GRM8: variants seen among roughly 807,000 people sequenced by gnomAD.
The protein encoded by GRM8 is metabotropic glutamate receptor 8.
A neutral mutation model predicts 87.2 loss-of-function variants in GRM8; 47 were observed. That is an observed-to-expected ratio of 0.54 (90% confidence interval 0.43 to 0.69). The LOEUF (loss-of-function observed/expected upper bound fraction) is 0.69. GRM8 is among the 30% of genes least tolerant of loss of function. The pLI is 0.00. For synonymous variants in GRM8, 396 were observed against 404.5 expected, an observed-to-expected ratio of 0.98 and a Z score of 0.25; for missense variants, 1,019 against 1,139.2, an observed-to-expected ratio of 0.89 and a Z score of 1.52.
In GRM8 at chr7:127,170,304, C is replaced by A. The variant is rs543680779; in HGVS notation, c.511-63592G>T. ...ACCATAATGTGACACCAACTTACTC[C>A]TGCAAGAATCGCCATACTCAAAAAA... On this transcript the variant is annotated intron_variant, in intron 2 of 10. Coordinates refer to ENST00000339582, the MANE Select transcript of GRM8 (RefSeq NM_000845.3). Among the ~76,000 whole-genome samples the A allele has an allele frequency of 2.6e-5, 4 of 152,298 alleles. No individual in the cohort carries two copies. The South Asian group carries it at 8.3e-4, about 32-fold the overall frequency.
At chr7:126,788,420 A>AAAAAAAAAAAAAACAAAAAAAAAAAAAC in intron 6 of GRM8, among the ~76,000 whole-genome samples, 9 of 81,138 alleles carry the variant, frequency 1.1e-4, no homozygotes, top group South Asian at 4.9e-4. Context: ...AAAAAAAAAA[A>AAAAAAAAAAAAAACAAAAAAAAAAAAAC]AAACCCTTTC....
chr7:126,548,503 T>A (rs1000741181), intron 8 of GRM8, among the ~76,000 whole-genome samples: 29 of 152,056 alleles, frequency 1.9e-4, no homozygotes, highest in African/African-American at 5.1e-4. Context: ...ACAAAAAAAA[T>A]TTCCAAGAAA....
At chr7:126,902,495 A>G (rs373963486) in intron 6 of GRM8, 47 bp downstream of exon 6, 17 of 1,436,980 alleles carry the variant, frequency 1.2e-5, no homozygotes, top group Non-Finnish European at 1.5e-5. Context: ...TAATGAAAAC[A>G]AATGAAAATG....
intron 9 of GRM8, among the ~76,000 whole-genome samples, chr7:126,463,162 T>C (rs1804078175): frequency 6.6e-6 from 1 of 151,580 alleles, no homozygotes; most frequent in Non-Finnish European, 1.5e-5. Flanking sequence ...TTATTTATGA[T>C]GAAGAGACAT....
At chr7:126,780,000 T>C (rs1183101594) in intron 6 of GRM8, among the ~76,000 whole-genome samples, 1 of 152,238 alleles carries the variant, frequency 6.6e-6, no homozygotes, top group Non-Finnish European at 1.5e-5. Context: ...TCTGGCACCT[T>C]ATGTAGTAAA....
At position 127,242,787 on chromosome 7, in the gene GRM8, T is replaced by C. The variant is rs762826038; in HGVS notation, c.418A>G (p.Ile140Val). 3 of 1,614,114 alleles carry C rather than the reference T, an allele frequency of 1.9e-6. No individual in the cohort carries two copies. The highest frequency in any genetic ancestry group is 8.5e-7 in the Non-Finnish European group (1 of 1,180,000). Reference sequence around the variant, plus strand: ...GAAATCTTGTCGGGCTTGGTGAAAATGGGTGGATCTCCATTAGCACACTTC... The same window carrying C: ...GAAATCTTGTCGGGCTTGGTGAAAACGGGTGGATCTCCATTAGCACACTTC... ...DVKCANGDPP[I>V]FTKPDKISGV... The change falls in exon 2 of 11, where the codon ATT (isoleucine) becomes GTT (valine). Residue 140 changes from isoleucine (I) to valine (V), a missense_variant. By Grantham distance (29) the Ile-to-Val change is conservative. Transcript: ENST00000339582.
intron 2 of GRM8, among the ~76,000 whole-genome samples, chr7:127,159,775 A>C (rs974808166): frequency 6.6e-6 from 1 of 152,210 alleles, no homozygotes; most frequent in African/African-American, 2.4e-5. Context: ...TTAAATGGCA[A>C]ATAAACCAAA....
chr7:127,066,555 A>C (rs1420460752), intron 3 of GRM8, among the ~76,000 whole-genome samples: 2 of 152,124 alleles, frequency 1.3e-5, no homozygotes, highest in African/African-American at 4.8e-5. Context: ...CATATTTATG[A>C]GTTATATAGT....
intron 3 of GRM8, among the ~76,000 whole-genome samples, chr7:127,081,703 C>A (rs1165004946): frequency 6.6e-6 from 1 of 152,152 alleles, no homozygotes; most frequent in Admixed American, 6.5e-5. Context: ...GATGAGACAT[C>A]AGAACTGAAG....
intron 8 of GRM8, among the ~76,000 whole-genome samples, chr7:126,554,749 T>G (rs1189426197): frequency 6.6e-6 from 1 of 152,150 alleles, no homozygotes; most frequent in Non-Finnish European, 1.5e-5. Flanking sequence ...TCAGAAATAG[T>G]TTTTCTTAAA....
intron 3 of GRM8, among the ~76,000 whole-genome samples, chr7:127,018,106 C>T (rs1815870269): frequency 6.6e-6 from 1 of 151,908 alleles, no homozygotes; most frequent in Admixed American, 6.6e-5. Flanking sequence ...GGACAAATAA[C>T]ACACACATAC....
At chr7:127,109,445 C>T (rs1055335036) in intron 2 of GRM8, among the ~76,000 whole-genome samples, 4 of 152,158 alleles carry the variant, frequency 2.6e-5, no homozygotes, top group Non-Finnish European at 1.5e-5. Flanking sequence ...CATCTTCCTC[C>T]CCTGACCTGT....
rs532673560 is a variant in GRM8, at chr7:126,940,757, T to TTTG, written c.728-36077_728-36075dup. Reference sequence around the variant, plus strand: ...TTCTATGATTGTCATTTGGGGTCAATTTGTTGTTGTTGTTGTTCCTTCTCT... The same window carrying TTTG: ...TTCTATGATTGTCATTTGGGGTCAATTTGTTGTTGTTGTTGTTGTTCCTTCTCT... On this transcript the variant is annotated intron_variant, in intron 3 of 10. Transcript: ENST00000339582. 3.3e-5 allele frequency among the ~76,000 whole-genome samples: 5 copies of TTTG among 152,232 alleles called. No individual in the cohort carries two copies. In the South Asian group the frequency reaches 6.2e-4, roughly 19 times the overall value.
At chr7:126,464,387 T>C (rs958135574) in intron 9 of GRM8, among the ~76,000 whole-genome samples, 3 of 148,368 alleles carry the variant, frequency 2.0e-5, no homozygotes, top group Non-Finnish European at 4.5e-5. Flanking sequence ...TTGGGTCTTG[T>C]AGTTTTTTAT....
intron 7 of GRM8, among the ~76,000 whole-genome samples, chr7:126,716,329 CTG>C (rs1391762905): frequency 6.6e-6 from 1 of 150,518 alleles, no homozygotes; most frequent in East Asian, 1.9e-4. Context: ...CTGTAACTAT[CTG>C]GAGTTGTGAA....
At chr7:126,914,598 A>G (rs978346866) in intron 3 of GRM8, among the ~76,000 whole-genome samples, 2 of 152,256 alleles carry the variant, frequency 1.3e-5, no homozygotes, top group African/African-American at 4.8e-5. Context: ...ATAAAAAAGA[A>G]TGAAATCTTG....
rs78959245 is a variant in GRM8 at position 126,782,017 on chromosome 7, T to A, written c.1157-11952A>T. Among the ~76,000 whole-genome samples the A allele has an allele frequency of 5.5e-3, 839 of 152,320 alleles. 12 individuals carry two copies. The highest frequency in any genetic ancestry group is 0.02 in the African/African-American group (815 of 41,564). ...GCATGAGCCACTGCACCCAGCCATA[T>A]CTGCTTTTTTCTAAGCTATCATGAC... On this transcript the variant is annotated intron_variant, in intron 6 of 10. Coordinates refer to ENST00000339582, the MANE Select transcript of GRM8 (RefSeq NM_000845.3).
chr7:126,457,076 C>CGTGTG (rs1563026241), intron 9 of GRM8, among the ~76,000 whole-genome samples: 1 of 149,954 alleles, frequency 6.7e-6, no homozygotes, highest in Admixed American at 6.7e-5. Flanking sequence ...TGTGTGTGTG[C>CGTGTG]CTGTGTGTGT....
chr7:126,817,617 G>A (rs988299428), intron 6 of GRM8, among the ~76,000 whole-genome samples: 3 of 152,148 alleles, frequency 2.0e-5, no homozygotes, highest in Non-Finnish European at 2.9e-5. Context: ...GCATATTTAC[G>A]AAAAGTCCTT....
Sources: allele counts gnomAD v4.1 joint callset (sites outside exome capture counted in the v4.1 genomes callset), GRCh38; gene constraint gnomAD v4.1.1; transcripts MANE v1.5; gene names NCBI Gene and HGNC (gene_info 2026-07-23, HGNC 2026-07-21).